SUPT16H: variants seen among roughly 807,000 people sequenced by gnomAD.
SUPT16H encodes the protein SPT16 homolog, facilitates chromatin remodeling subunit.
In SUPT16H, 24 loss-of-function variants were observed where a neutral mutation model predicts 136.2. The ratio of observed to expected loss-of-function variants is 0.18; its 90% CI spans 0.13 to 0.25. The LOEUF (loss-of-function observed/expected upper bound fraction) is 0.25. Ranked by LOEUF, SUPT16H falls within the 10% of genes least tolerant of loss-of-function variation. The pLI is 1.00. For synonymous variants in SUPT16H, 415 were observed against 428.2 expected, an observed-to-expected ratio of 0.97 and a Z score of 0.38; for missense variants, 623 against 1,270.2, an observed-to-expected ratio of 0.49 and a Z score of 7.74.
chr14:21,369,837 G>A lies in SUPT16H; in HGVS notation c.543C>T (p.Asn181=). ...TIAVKEDGEL[N]LMKKAASITS... is the part of the protein sequence containing the mutation. ...TGATGCTGGCTGCTTTCTTCATTAG[G>A]TTGAGCTCCCCATCCTCCTTTACAG... Residue 181 remains asparagine (N), a synonymous_variant, in exon 5 of 26, where the codon AAC becomes AAT. Transcript: ENST00000216297. 1.2e-6 allele frequency: 2 copies of A among 1,614,120 alleles called. No individual in the cohort carries two copies. Among genetic ancestry groups the A allele is most frequent in the Non-Finnish European group, 1.7e-6 (2 of 1,180,018 alleles).
chr14:21,358,118 C>G, intron 20 of SUPT16H, 116 bp from the exon 21 acceptor site: 2 of 975,738 alleles, frequency 2.0e-6, no homozygotes, highest in Non-Finnish European at 3.1e-6. Context: ...TCACTGGAGA[C>G]TCATCCAGAG....
chr14:21,361,261 G>A (rs763702288), intron 15 of SUPT16H, 48 bp from the exon 16 acceptor site: 1 of 1,593,202 alleles, frequency 6.3e-7, no homozygotes, highest in Non-Finnish European at 8.6e-7. Flanking sequence ...TCAGGCCAGG[G>A]AAATTGTACT....
intron 1 of SUPT16H, among the ~76,000 whole-genome samples, chr14:21,379,672 G>A (rs1238472238): frequency 1.3e-5 from 2 of 151,854 alleles, no homozygotes; most frequent in African/African-American, 2.4e-5. Context: ...GGGACAACAC[G>A]GTGGAACCCT....
intron 22 of SUPT16H, among the ~76,000 whole-genome samples, chr14:21,356,056 T>C (rs763979605): frequency 4.6e-5 from 7 of 152,208 alleles, no homozygotes; most frequent in Non-Finnish European, 1.0e-4. Context: ...ATTCCTAGCC[T>C]GCTATGCAGG....
At chr14:21,361,322 T>C (rs1243574028) in intron 15 of SUPT16H, 109 bp from the exon 16 acceptor site, 2 of 1,335,132 alleles carry the variant, frequency 1.5e-6, no homozygotes, top group Admixed American at 3.9e-5. Context: ...TTTTTTTTTT[T>C]TTTTTTTTTT....
At chr14:21,382,556 T>G (rs979579194) in intron 1 of SUPT16H, among the ~76,000 whole-genome samples, 1 of 152,224 alleles carries the variant, frequency 6.6e-6, no homozygotes, top group Non-Finnish European at 1.5e-5. Flanking sequence ...TACCAAAGGT[T>G]CACAGTTTCA....
At chr14:21,354,973 C>T (rs1886395513) in intron 22 of SUPT16H, 1 of 153,642 alleles carries the variant, frequency 6.5e-6, no homozygotes, top group Non-Finnish European at 1.4e-5. Context: ...CTAGCCCTCA[C>T]AACAGACCAA....
Position 21,357,178 on chromosome 14 carries a change from T to C in SUPT16H, c.2660+19A>G. ...AGGGCTCATGGGCTAAATGGGAGAC[T>C]GATGGCAGATTTACTTACTTCAACC... On this transcript the variant is annotated intron_variant, in intron 22 of 25. Coordinates refer to ENST00000216297, the MANE Select transcript of SUPT16H (RefSeq NM_007192.4). 1 of 1,550,538 alleles carries C rather than the reference T, an allele frequency of 6.4e-7. No individual in the cohort carries two copies. Among genetic ancestry groups the C allele is most frequent in the Non-Finnish European group, 8.7e-7 (1 of 1,146,710 alleles).
chr14:21,373,689 C>T (rs1446299964), intron 1 of SUPT16H, among the ~76,000 whole-genome samples: 2 of 152,152 alleles, frequency 1.3e-5, no homozygotes, highest in Admixed American at 6.6e-5. Context: ...CAGTGACAAA[C>T]GTCCTGTGTA....
chr14:21,362,465 C>T (rs1886576983), intron 14 of SUPT16H, 141 bp from the exon 15 acceptor site: 2 of 878,094 alleles, frequency 2.3e-6, no homozygotes, highest in African/African-American at 3.5e-5. Flanking sequence ...CATAATTTAT[C>T]TTTTTAATAA....
intron 25 of SUPT16H, 91 bp from the exon 26 acceptor site, chr14:21,352,909 T>A (rs570262752): frequency 6.5e-7 from 1 of 1,548,142 alleles, no homozygotes. Context: ...AGAATACACT[T>A]TGGAATCAGA....
intron 1 of SUPT16H, among the ~76,000 whole-genome samples, chr14:21,379,542 C>T (rs1289328530): frequency 6.6e-6 from 1 of 151,806 alleles, no homozygotes; most frequent in African/African-American, 2.4e-5. Flanking sequence ...ATCTAACCCT[C>T]CTTACTCAGC....
At chr14:21,373,947 C>T (rs973649445) in intron 1 of SUPT16H, among the ~76,000 whole-genome samples, 3 of 152,018 alleles carry the variant, frequency 2.0e-5, no homozygotes, top group Admixed American at 6.6e-5. Flanking sequence ...AGGCTGGTCT[C>T]GAACTCCTAA....
rs540845578 is a variant in SUPT16H at position 21,367,935 on chromosome 14, G to A, written c.955+334C>T. On this transcript the variant is annotated intron_variant, in intron 7 of 25. Transcript: ENST00000216297. ...GAGAAGGTCTCAACTCTATTGCCCAGGCTGGAGTGCAGTGGCGCAATCATA... is the reference window on the plus strand; with the variant it reads ...GAGAAGGTCTCAACTCTATTGCCCAAGCTGGAGTGCAGTGGCGCAATCATA... 2.6e-5 allele frequency among the ~76,000 whole-genome samples: 4 copies of A among 152,310 alleles called. 1 individual carries two copies. Among genetic ancestry groups the A allele is most frequent in the African/African-American group, 9.6e-5 (4 of 41,572 alleles).
chr14:21,357,040 T>C (rs1886449933), intron 22 of SUPT16H, among the ~76,000 whole-genome samples, 157 bp downstream of exon 22: 1 of 152,228 alleles, frequency 6.6e-6, no homozygotes, highest in Non-Finnish European at 1.5e-5. Context: ...AGCTCCGTTA[T>C]CTAATAGATC....
intron 19 of SUPT16H, 142 bp from the exon 20 acceptor site, chr14:21,358,569 G>A: frequency 3.2e-6 from 2 of 623,098 alleles, no homozygotes; most frequent in Non-Finnish European, 2.8e-6. Flanking sequence ...TTGCAGGTTT[G>A]TTACACAGGT....
rs1472012653 is a variant in SUPT16H at position 21,363,526 on chromosome 14, G to A, written c.1234-23C>T. The stretch of plus-strand genomic sequence containing the variant: ...ATCCTAGAATTAAAAGGAGAATGAA[G>A]ACACATTATTTAAAAGAGGCAATTT... On this transcript the variant is annotated intron_variant, in intron 10 of 25. Transcript: ENST00000216297. 3 of 1,606,446 alleles carry A rather than the reference G, an allele frequency of 1.9e-6. No individual in the cohort carries two copies. The Admixed American group carries it at 5.1e-5, about 27-fold the overall frequency.
In SUPT16H at chr14:21,363,028, T is replaced by C; in HGVS notation, c.1511+6A>G. On this transcript the variant is annotated splice_donor_region_variant and intron_variant, in intron 13 of 25. Transcript: ENST00000216297. The stretch of plus-strand genomic sequence containing the variant: ...GATGATCTCACTGCTCAGTGAAAAC[T>C]CTTACTTCTGAATCTGCTGTTCTCC... The C allele has an allele frequency of 6.2e-7, 1 of 1,614,032 alleles. No individual in the cohort carries two copies. The highest frequency in any genetic ancestry group is 8.5e-7 in the Non-Finnish European group (1 of 1,180,008).
At chr14:21,379,210 T>C (rs972579191) in intron 1 of SUPT16H, among the ~76,000 whole-genome samples, 2 of 151,550 alleles carry the variant, frequency 1.3e-5, no homozygotes, top group Admixed American at 6.6e-5. Flanking sequence ...CTGGGGTGGG[T>C]GGATTGCTTG....
Sources: allele counts gnomAD v4.1 joint callset (sites outside exome capture counted in the v4.1 genomes callset), GRCh38; gene constraint gnomAD v4.1.1; transcripts MANE v1.5; gene names NCBI Gene and HGNC (gene_info 2026-07-23, HGNC 2026-07-21).